Variants in CNTNAP5 observed in about 807,000 individuals in gnomAD.
CNTNAP5 encodes the protein contactin associated protein family member 5, also known as contactin-associated protein-like 5.
Under a neutral mutation model 150.2 loss-of-function variants are expected in CNTNAP5, and 72 were observed. That is an observed-to-expected ratio of 0.48 (90% CI 0.40 to 0.58). The LOEUF is 0.58. CNTNAP5 is among the 20% of genes least tolerant of loss of function. The probability of loss-of-function intolerance (pLI) is 0.00; values close to 1 mark genes in which losing one functional copy is unlikely to be tolerated. For synonymous variants in CNTNAP5, 672 were observed against 619.8 expected (o/e 1.08, Z -1.25); for missense variants, 1,636 against 1,626.2 (o/e 1.01, Z -0.10).
intron 16 of CNTNAP5, among the ~76,000 whole-genome samples, chr2:124,765,547 TATA>T (rs1681050374): frequency 6.6e-6 from 1 of 152,168 alleles, no homozygotes; most frequent in African/African-American, 2.4e-5. Context: ...TCCCTCAGAA[TATA>T]ATATTTATTA....
chr2:124,766,194 C>T (rs557719619), intron 16 of CNTNAP5, among the ~76,000 whole-genome samples: 14 of 152,126 alleles, frequency 9.2e-5, no homozygotes, highest in Admixed American at 9.2e-4. Context: ...CTGTACCCAC[C>T]ACCTTGCCCT....
intron 12 of CNTNAP5, among the ~76,000 whole-genome samples, chr2:124,619,569 G>A (rs73952843): frequency 0.014 from 2,115 of 151,920 alleles, 49 homozygotes; most frequent in African/African-American, 0.048. Flanking sequence ...AAGTGTTTTT[G>A]GATGAGATAA....
At chr2:124,171,677 A>T (rs746341442) in intron 1 of CNTNAP5, among the ~76,000 whole-genome samples, 3 of 152,232 alleles carry the variant, frequency 2.0e-5, no homozygotes, top group Non-Finnish European at 4.4e-5. Flanking sequence ...GCAAAGGGCA[A>T]GGTGTCCTAG....
intron 13 of CNTNAP5, among the ~76,000 whole-genome samples, chr2:124,648,294 A>G (rs1361061115): frequency 6.6e-6 from 1 of 152,166 alleles, no homozygotes; most frequent in Non-Finnish European, 1.5e-5. Flanking sequence ...AAGTGTGGCC[A>G]TGGGAAATGC....
chr2:124,670,276 A>G (rs966360879), intron 13 of CNTNAP5, among the ~76,000 whole-genome samples: 3 of 148,802 alleles, frequency 2.0e-5, no homozygotes, highest in Non-Finnish European at 4.4e-5. Flanking sequence ...GTTGGTGAAT[A>G]TGAAGCATAT....
intron 3 of CNTNAP5, among the ~76,000 whole-genome samples, chr2:124,251,467 C>CT (rs11311025): frequency 1.2e-4 from 17 of 143,100 alleles, no homozygotes; most frequent in East Asian, 4.1e-4. Context: ...GCTGTGGGTG[C>CT]TTTTTTTTTT....
chr2:124,264,664 T>C (rs1266468796), intron 3 of CNTNAP5, among the ~76,000 whole-genome samples: 1 of 152,148 alleles, frequency 6.6e-6, no homozygotes, highest in Non-Finnish European at 1.5e-5. Flanking sequence ...TGGGATGGAA[T>C]GAGACCAACT....
At chr2:124,777,774 G>GGT (rs1558771618) in intron 17 of CNTNAP5, among the ~76,000 whole-genome samples, 6 of 104,658 alleles carry the variant, frequency 5.7e-5, no homozygotes, top group East Asian at 4.1e-4. Flanking sequence ...AGAATGGAGG[G>GGT]ATGTGTGTGT....
At chr2:124,101,343 A>G (rs929818278) in intron 1 of CNTNAP5, among the ~76,000 whole-genome samples, 2 of 152,152 alleles carry the variant, frequency 1.3e-5, no homozygotes, top group African/African-American at 4.8e-5. Flanking sequence ...CCTCAGACTC[A>G]AGCCCAGTCT....
At chr2:124,740,720 G>T (rs540367690) in intron 13 of CNTNAP5, among the ~76,000 whole-genome samples, 2 of 152,244 alleles carry the variant, frequency 1.3e-5, no homozygotes, top group African/African-American at 4.8e-5. Flanking sequence ...ATAACCAGTT[G>T]CCAAAGCTCA....
At chr2:124,170,288 T>C (rs1036380494) in intron 1 of CNTNAP5, among the ~76,000 whole-genome samples, 2 of 152,058 alleles carry the variant, frequency 1.3e-5, no homozygotes, top group Non-Finnish European at 2.9e-5. Flanking sequence ...GGCATTGGGT[T>C]GACTTCTGCT....
chr2:124,589,970 T>C (rs1381059458), intron 11 of CNTNAP5, among the ~76,000 whole-genome samples: 2 of 152,178 alleles, frequency 1.3e-5, no homozygotes, highest in African/African-American at 2.4e-5. Context: ...GATTAGGCCA[T>C]GAGTGCTCTG....
At chr2:124,464,354 G>A (rs534435062) in intron 6 of CNTNAP5, among the ~76,000 whole-genome samples, 218 of 152,142 alleles carry the variant, frequency 1.4e-3, no homozygotes, top group African/African-American at 5.1e-3. Context: ...AAAAGAAATA[G>A]GATAAATTTT....
intron 21 of CNTNAP5, among the ~76,000 whole-genome samples, chr2:124,872,694 A>T (rs1677777127): frequency 6.6e-6 from 1 of 151,580 alleles, no homozygotes; most frequent in Non-Finnish European, 1.5e-5. Context: ...AAATTAAAAC[A>T]CCCTTAGAAA....
intron 3 of CNTNAP5, among the ~76,000 whole-genome samples, chr2:124,261,354 T>A (rs1687449998): frequency 6.6e-6 from 1 of 151,908 alleles, no homozygotes; most frequent in Non-Finnish European, 1.5e-5. Flanking sequence ...GTCTCAGGAG[T>A]TTTCCCCAAC....
rs1364073242 is a variant in CNTNAP5, at chr2:124,413,444, C to T, written c.382-3999C>T. On this transcript the variant is annotated intron_variant, in intron 3 of 23. Coordinates refer to ENST00000682447, the MANE Select transcript of CNTNAP5 (RefSeq NM_001367498.1). ...GACACATGCACACGTATGTTTATTG[C>T]GGCATTATTCACAATAGCAAAGACT... Among the ~76,000 whole-genome samples the T allele has an allele frequency of 4.4e-3, 581 of 132,884 alleles. 3 individuals are homozygous for T. Among genetic ancestry groups the T allele is most frequent in the South Asian group, 0.014 (52 of 3,810 alleles). 87.2% of individuals were successfully genotyped at this position (132,884 alleles called of 152,430 possible). A position where few individuals can be genotyped will look rare whatever the true frequency, so the allele number is the denominator to read the frequency against.
intron 19 of CNTNAP5, among the ~76,000 whole-genome samples, chr2:124,798,932 T>C (rs1392637838): frequency 6.6e-6 from 1 of 152,208 alleles, no homozygotes; most frequent in Non-Finnish European, 1.5e-5. Context: ...ATAGTACTAT[T>C]GTTTCACAAA....
At chr2:124,168,483 T>G (rs1684857084) in intron 1 of CNTNAP5, among the ~76,000 whole-genome samples, 1 of 152,174 alleles carries the variant, frequency 6.6e-6, no homozygotes, top group Non-Finnish European at 1.5e-5. Flanking sequence ...TTCTTCATCT[T>G]GTAAACATTC....
At chr2:124,845,491 T>C (rs1287479432) in intron 19 of CNTNAP5, among the ~76,000 whole-genome samples, 3 of 151,642 alleles carry the variant, frequency 2.0e-5, no homozygotes, top group Non-Finnish European at 4.4e-5. Context: ...AGGGTGATAA[T>C]GGCTTCATAG....
Sources: allele counts gnomAD v4.1 joint callset (sites outside exome capture counted in the v4.1 genomes callset), GRCh38; gene constraint gnomAD v4.1.1; transcripts MANE v1.5; gene names NCBI Gene and HGNC (gene_info 2026-07-23, HGNC 2026-07-21).